The following ADAMTSL1 variants were observed in gnomAD, a reference collection of about 807,000 sequenced individuals.
ADAMTSL1 encodes ADAMTS-like protein 1.
Under a neutral mutation model 201.8 loss-of-function variants are expected in ADAMTSL1, and 126 were observed. That is an observed-to-expected ratio of 0.62 (90% confidence interval 0.54 to 0.72). The LOEUF (loss-of-function observed/expected upper bound fraction) is 0.72, where lower values mean the gene tolerates loss of function less well. Ranked by LOEUF, ADAMTSL1 falls within the 30% of genes least tolerant of loss-of-function variation. The pLI, the probability that ADAMTSL1 is intolerant of heterozygous loss-of-function variation, is 0.00. For missense variants in ADAMTSL1, 2,679 were observed against 2,277.8 expected (o/e 1.18, Z -3.59); for synonymous variants, 1,121 against 903.4 (o/e 1.24, Z -4.32).
chr9:18,640,111 T>A (rs755440700), intron 7 of ADAMTSL1, among the ~76,000 whole-genome samples: 1 of 152,164 alleles, frequency 6.6e-6, no homozygotes, highest in Admixed American at 6.6e-5. Flanking sequence ...GACATTTGAT[T>A]TAAGCTAAAG....
intron 2 of ADAMTSL1, among the ~76,000 whole-genome samples, chr9:18,265,205 A>G (rs559825063): frequency 9.2e-4 from 140 of 152,264 alleles, no homozygotes; most frequent in African/African-American, 3.2e-3. Flanking sequence ...CTCTTTAAAT[A>G]TGCCAGGCCT....
chr9:18,552,510 G>C lies in ADAMTSL1; in HGVS notation c.237+19218G>C, dbSNP rs536374612. On this transcript the variant is annotated intron_variant, in intron 3 of 28. Transcript: ENST00000380548. ...CCTGTTATCCACACTTTCTTGTAGA[G>C]AACATGTTTTCCTGCTCTGGAGTGT... Among the ~76,000 whole-genome samples the C allele has an allele frequency of 6.8e-4, 104 of 151,896 alleles. 1 individual carries two copies. The South Asian group carries it at 0.022, about 31-fold the overall frequency.
intron 1 of ADAMTSL1, among the ~76,000 whole-genome samples, chr9:17,951,546 T>A (rs1272164139): frequency 6.6e-6 from 1 of 152,172 alleles, no homozygotes; most frequent in Non-Finnish European, 1.5e-5. Context: ...CTTGATTATC[T>A]GTGAGGCTGA....
chr9:18,074,633 C>G (rs550713039), intron 1 of ADAMTSL1, among the ~76,000 whole-genome samples: 1 of 150,352 alleles, frequency 6.7e-6, no homozygotes, highest in Admixed American at 6.6e-5. Context: ...TCTCGTCACT[C>G]AGGCTGGAGT....
At chr9:18,063,185 A>G (rs993461899) in intron 1 of ADAMTSL1, among the ~76,000 whole-genome samples, 2 of 152,086 alleles carry the variant, frequency 1.3e-5, no homozygotes, top group African/African-American at 4.8e-5. Context: ...TCTTAAAAAA[A>G]CGTTTTTAAA....
rs753788839 is a variant in ADAMTSL1, at chr9:18,706,846, C to A, written c.1674C>A (p.Ser558=). 10 of 1,612,822 alleles carry A rather than the reference C, an allele frequency of 6.2e-6. No homozygotes were observed. Among genetic ancestry groups the A allele is most frequent in the Middle Eastern group, 1.6e-4 (1 of 6,062 alleles). The stretch of plus-strand genomic sequence containing the variant: ...AGGTGCTCCTGTCTTTCTCTCAGTC[C>A]GTGGCTGACCTGCCTATTGACGAGT... ...RCQVLLSFSQ[S]VADLPIDECE... The change falls in exon 14 of 29, where the codon TCC becomes TCA. Residue 558 remains serine, a synonymous_variant. Coordinates refer to ENST00000380548, the MANE Select transcript of ADAMTSL1 (RefSeq NM_001040272.6).
chr9:17,999,902 A>G (rs917662049), intron 1 of ADAMTSL1, among the ~76,000 whole-genome samples: 9 of 149,440 alleles, frequency 6.0e-5, no homozygotes, highest in South Asian at 2.1e-4. Flanking sequence ...ATGATTTCCA[A>G]TGTCATCCAT....
At chr9:18,755,505 G>A (rs1006573212) in intron 16 of ADAMTSL1, among the ~76,000 whole-genome samples, 27 of 152,144 alleles carry the variant, frequency 1.8e-4, no homozygotes, top group African/African-American at 5.1e-4. Context: ...TCTTAATATC[G>A]TCCTAGTCTT....
At chr9:18,046,811 T>C (rs1821680141) in intron 1 of ADAMTSL1, among the ~76,000 whole-genome samples, 1 of 152,114 alleles carries the variant, frequency 6.6e-6, no homozygotes, top group African/African-American at 2.4e-5. Flanking sequence ...TCAGAAAATA[T>C]CATCAACAAC....
At chr9:18,481,483 G>A (rs932373982) in intron 1 of ADAMTSL1, among the ~76,000 whole-genome samples, 13 of 151,888 alleles carry the variant, frequency 8.6e-5, no homozygotes, top group Non-Finnish European at 1.6e-4. Context: ...AAGTGTGTTG[G>A]ACATTTTGTT....
At position 18,046,934 on chromosome 9, in the gene ADAMTSL1, A is replaced by G. The variant is rs75830359; in HGVS notation, c.88-116928A>G. 2.0e-5 allele frequency among the ~76,000 whole-genome samples: 3 copies of G among 152,262 alleles called. No individual in the cohort carries two copies. The South Asian group carries it at 6.2e-4, about 32-fold the overall frequency. On this transcript the variant is annotated intron_variant, in intron 1 of 29. Transcript: ENST00000680146. Reference sequence around the variant, plus strand: ...ACTGAATTTTCTTCTGCAGTATGTCAGCAATGGAACTGAAGAAAATTTAAT... The same window carrying G: ...ACTGAATTTTCTTCTGCAGTATGTCGGCAATGGAACTGAAGAAAATTTAAT...
chr9:18,904,729 G>T lies in ADAMTSL1; in HGVS notation c.4852-1053G>T, dbSNP rs567471531. 1.0e-3 allele frequency among the ~76,000 whole-genome samples: 125 copies of T among 123,238 alleles called. 6 individuals carry two copies. The highest frequency in any genetic ancestry group is 4.1e-3 in the African/African-American group (115 of 28,260). 80.8% of individuals were successfully genotyped at this position (123,238 alleles called of 152,430 possible). A position where few individuals can be genotyped will look rare whatever the true frequency, so the allele number is the denominator to read the frequency against. On this transcript the variant is annotated intron_variant, in intron 26 of 28. Transcript: ENST00000380548. ...AAAATCCCAGTCATTGGTGTTAAGG[G>T]GGCTTTTTTTTTTTTTTTTTTTACA...
chr9:18,522,849 A>G (rs1386308258), intron 2 of ADAMTSL1, among the ~76,000 whole-genome samples: 1 of 152,124 alleles, frequency 6.6e-6, no homozygotes, highest in Non-Finnish European at 1.5e-5. Flanking sequence ...ATTCATGGAC[A>G]TTAGGTTTGG....
chr9:18,407,170 A>G (rs1426794218), intron 2 of ADAMTSL1, among the ~76,000 whole-genome samples: 1 of 152,242 alleles, frequency 6.6e-6, no homozygotes, highest in Admixed American at 6.5e-5. Context: ...GTGCAGGAAG[A>G]GCAAGGAAAG....
chr9:18,259,389 G>T (rs1563840828), intron 2 of ADAMTSL1, among the ~76,000 whole-genome samples: 1 of 151,996 alleles, frequency 6.6e-6, no homozygotes, highest in East Asian at 1.9e-4. Flanking sequence ...GCCAGGCATG[G>T]TGGCACATGC....
chr9:18,417,191 A>C (rs10963598), intron 2 of ADAMTSL1, among the ~76,000 whole-genome samples: 62,989 of 151,464 alleles, frequency 0.42, 13,505 homozygotes, highest in Admixed American at 0.47. Flanking sequence ...AGAGGAAATC[A>C]AGGAAAATTA....
At chr9:17,998,478 C>G (rs1819476551) in intron 1 of ADAMTSL1, among the ~76,000 whole-genome samples, 1 of 151,962 alleles carries the variant, frequency 6.6e-6, no homozygotes, top group Non-Finnish European at 1.5e-5. Flanking sequence ...GAAATGAGAA[C>G]AGACTCACAG....
chr9:18,090,873 T>A (rs1284227259), intron 1 of ADAMTSL1, among the ~76,000 whole-genome samples: 1 of 152,088 alleles, frequency 6.6e-6, no homozygotes, highest in Non-Finnish European at 1.5e-5. Flanking sequence ...TTCCTTGCTT[T>A]TTTCTGGTGG....
chr9:18,304,957 C>T (rs1473200598), intron 2 of ADAMTSL1, among the ~76,000 whole-genome samples: 1 of 152,194 alleles, frequency 6.6e-6, no homozygotes, highest in African/African-American at 2.4e-5. Flanking sequence ...CAGCTCCCAG[C>T]GTGATCTACA....
Sources: gnomAD v4.1 joint callset for allele counts (sites outside exome capture counted in the v4.1 genomes callset) on GRCh38, gnomAD v4.1.1 for gene constraint, MANE v1.5 for transcripts, NCBI Gene and HGNC (gene_info 2026-07-23, HGNC 2026-07-21) for gene names.